TAF3: variants seen among roughly 807,000 people sequenced by gnomAD.
TAF3 encodes the protein TATA-box binding protein associated factor 3, also known as transcription initiation factor TFIID subunit 3.
In TAF3, 7 loss-of-function variants were observed where a neutral mutation model predicts 80.6. That is an observed-to-expected ratio of 0.09 (90% CI 0.05 to 0.16). The LOEUF (loss-of-function observed/expected upper bound fraction) is 0.16, where lower values mean the gene tolerates loss of function less well. Ranked by LOEUF, TAF3 falls within the 10% of genes least tolerant of loss-of-function variation. The pLI is 1.00. For synonymous variants in TAF3, 444 were observed against 446.1 expected (o/e 1.00, Z 0.06); for missense variants, 921 against 1,140.2 (o/e 0.81, Z 2.77).
chr10:7,821,377 C>G (rs1222906096), intron 1 of TAF3, among the ~76,000 whole-genome samples: 1 of 152,144 alleles, frequency 6.6e-6, no homozygotes, highest in Non-Finnish European at 1.5e-5. Flanking sequence ...TTTTAACAAA[C>G]ACTTACTGAG....
intron 2 of TAF3, among the ~76,000 whole-genome samples, chr10:7,937,625 C>T (rs1322567175): frequency 6.6e-6 from 1 of 152,130 alleles, no homozygotes; most frequent in Non-Finnish European, 1.5e-5. Flanking sequence ...ATATTTTTCT[C>T]ATAGTCTGTG....
chr10:7,848,286 T>C (rs1482422190), intron 2 of TAF3, among the ~76,000 whole-genome samples: 1 of 152,200 alleles, frequency 6.6e-6, no homozygotes, highest in African/African-American at 2.4e-5. Flanking sequence ...CCTAATTATG[T>C]CTGACATACA....
intron 2 of TAF3, among the ~76,000 whole-genome samples, chr10:7,877,359 CAT>C (rs1259552433): frequency 6.6e-6 from 1 of 152,014 alleles, no homozygotes; most frequent in African/African-American, 2.4e-5. Context: ...GTGTATTTCA[CAT>C]AATAATTTCT....
At chr10:7,944,899 C>G (rs1212305327) in intron 2 of TAF3, among the ~76,000 whole-genome samples, 1 of 152,082 alleles carries the variant, frequency 6.6e-6, no homozygotes, top group Non-Finnish European at 1.5e-5. Context: ...TATTTTTTTC[C>G]AGAATTTTGT....
In TAF3 at chr10:7,861,282, A is replaced by AT. The variant is rs561348686; in HGVS notation, c.409+36727dup. Among the ~76,000 whole-genome samples, 6 of 151,760 alleles carry AT rather than the reference A, an allele frequency of 4.0e-5. No individual in the cohort carries two copies. The South Asian group carries it at 1.3e-3, about 32-fold the overall frequency. On this transcript the variant is annotated intron_variant, in intron 2 of 6. Transcript: ENST00000344293. ...CCGGCCCTGCACGGCTAATTTTTGT[A>AT]TTTTTAGTAGAGATGGGGTTTCACT...
chr10:7,998,579 G>A (rs1831912930), intron 4 of TAF3, among the ~76,000 whole-genome samples: 1 of 152,012 alleles, frequency 6.6e-6, no homozygotes, highest in African/African-American at 2.4e-5. Context: ...GGGGCATGGT[G>A]GTTCACACCT....
At chr10:7,830,094 C>G (rs981387905) in intron 2 of TAF3, among the ~76,000 whole-genome samples, 1 of 152,030 alleles carries the variant, frequency 6.6e-6, no homozygotes, top group African/African-American at 2.4e-5. Context: ...TGCATCTTCC[C>G]GTGTGACCTT....
At chr10:7,889,635 A>C (rs575338091) in intron 2 of TAF3, among the ~76,000 whole-genome samples, 1 of 152,292 alleles carries the variant, frequency 6.6e-6, no homozygotes, top group East Asian at 1.9e-4. Flanking sequence ...ACTCATATTC[A>C]GTGGCTTACT....
rs145251733 is a variant in TAF3, at chr10:7,933,226, A to G, written c.410-30694A>G. Among the ~76,000 whole-genome samples the G allele has an allele frequency of 4.2e-3, 643 of 152,350 alleles. 3 individuals are homozygous for G. The highest frequency in any genetic ancestry group is 0.014 in the African/African-American group (582 of 41,586). On this transcript the variant is annotated intron_variant, in intron 2 of 6. Coordinates refer to ENST00000344293, the MANE Select transcript of TAF3 (RefSeq NM_031923.4). ...AATTCACTGTAGGAATGCAAACGCT[A>G]TGGCATTTTGCTTTTTAAAATGTCA...
At chr10:7,853,446 G>A (rs941337529) in intron 2 of TAF3, among the ~76,000 whole-genome samples, 1 of 152,126 alleles carries the variant, frequency 6.6e-6, no homozygotes, top group African/African-American at 2.4e-5. Flanking sequence ...GACGTCAGGA[G>A]GTGGTGGTGA....
At chr10:7,854,025 AACAC>A (rs1340449772) in intron 2 of TAF3, among the ~76,000 whole-genome samples, 4 of 152,232 alleles carry the variant, frequency 2.6e-5, no homozygotes, top group South Asian at 2.1e-4. Context: ...ACTTAGAAGA[AACAC>A]ACACACAATC....
At chr10:7,924,413 T>C (rs918297352) in intron 2 of TAF3, among the ~76,000 whole-genome samples, 1 of 152,206 alleles carries the variant, frequency 6.6e-6, no homozygotes, top group South Asian at 2.1e-4. Flanking sequence ...GTGTCTATGC[T>C]TGCCTTTTCA....
At chr10:7,855,657 T>C (rs1373918075) in intron 2 of TAF3, among the ~76,000 whole-genome samples, 1 of 152,068 alleles carries the variant, frequency 6.6e-6, no homozygotes, top group Non-Finnish European at 1.5e-5. Context: ...TACTCAAAGC[T>C]CCCAGACAGC....
chr10:7,825,456 A>G lies in TAF3; in HGVS notation c.409+896A>G, dbSNP rs1236318509. On this transcript the variant is annotated intron_variant, in intron 2 of 6. Coordinates refer to ENST00000344293, the MANE Select transcript of TAF3 (RefSeq NM_031923.4). ...TCTCCAGAACTTTTGTTCCCTCCCA[A>G]ATTGAAACACTGTTCCCATTAAACA... 2.6e-5 allele frequency among the ~76,000 whole-genome samples: 4 copies of G among 152,156 alleles called. No homozygotes were observed. The East Asian group carries it at 5.8e-4, about 22-fold the overall frequency.
intron 2 of TAF3, among the ~76,000 whole-genome samples, chr10:7,899,369 A>G (rs1225146567): frequency 6.6e-6 from 1 of 152,284 alleles, no homozygotes; most frequent in South Asian, 2.1e-4. Flanking sequence ...CAGCACACAC[A>G]TTCAGCAAGT....
chr10:7,822,849 G>A (rs1052732258), intron 1 of TAF3, among the ~76,000 whole-genome samples: 1 of 152,076 alleles, frequency 6.6e-6, no homozygotes, highest in South Asian at 2.1e-4. Flanking sequence ...GCTAAGAATA[G>A]GCATAAGAAA....
At chr10:7,953,460 G>C (rs928825599) in intron 2 of TAF3, among the ~76,000 whole-genome samples, 2 of 152,174 alleles carry the variant, frequency 1.3e-5, no homozygotes, top group Non-Finnish European at 2.9e-5. Flanking sequence ...GAGGAGGTCA[G>C]ATGTCAGTAT....
chr10:7,882,029 A>G lies in TAF3; in HGVS notation c.409+57469A>G, dbSNP rs181502832. ...AAACAGGTGTCGATTGGGCACCTAC[A>G]GTGAGTTCAAAACTGAACTGAGCAG... On this transcript the variant is annotated intron_variant, in intron 2 of 6. Transcript: ENST00000344293. Among the ~76,000 whole-genome samples, 569 of 152,350 alleles carry G rather than the reference A, an allele frequency of 3.7e-3. 2 individuals are homozygous for G. Among genetic ancestry groups the G allele is most frequent in the African/African-American group, 0.012 (513 of 41,578 alleles).
intron 2 of TAF3, among the ~76,000 whole-genome samples, chr10:7,879,138 T>C (rs1423145635): frequency 1.3e-5 from 2 of 152,186 alleles, no homozygotes; most frequent in Non-Finnish European, 2.9e-5. Context: ...AATATGGCCA[T>C]GTTTAGAGGT....
Sources: gnomAD v4.1 joint callset for allele counts (sites outside exome capture counted in the v4.1 genomes callset) on GRCh38, gnomAD v4.1.1 for gene constraint, MANE v1.5 for transcripts, NCBI Gene and HGNC (gene_info 2026-07-23, HGNC 2026-07-21) for gene names.